RFX3: variants seen among roughly 807,000 people sequenced by gnomAD.
The protein encoded by RFX3 is regulatory factor X3.
A neutral mutation model predicts 98.6 loss-of-function variants in RFX3; 14 were observed. The ratio of observed to expected loss-of-function variants is 0.14; its 90% confidence interval spans 0.09 to 0.22. The LOEUF is 0.22. RFX3 is among the 10% of genes least tolerant of loss of function. RFX3 has a pLI of 1.00. For synonymous variants in RFX3, 383 were observed against 328.4 expected, an observed-to-expected ratio of 1.17 and a Z score of -1.80; for missense variants, 639 against 926.9, an observed-to-expected ratio of 0.69 and a Z score of 4.03.
rs192368673 is a variant in RFX3 at position 3,268,645 on chromosome 9, A to G, written c.1357+1726T>C. Among the ~76,000 whole-genome samples the G allele has an allele frequency of 3.3e-5, 5 of 152,086 alleles. No homozygotes were observed. The East Asian group carries it at 9.7e-4, about 29-fold the overall frequency. The stretch of plus-strand genomic sequence containing the variant: ...TGTCTGCTTAATGTAGAGACAAGCT[A>G]TTTGACAGAATAAACTGGTTTTCAA... On this transcript the variant is annotated intron_variant, in intron 11 of 16. Transcript: ENST00000617270.
intron 15 of RFX3, among the ~76,000 whole-genome samples, chr9:3,231,069 A>T (rs1382523451): frequency 6.6e-6 from 1 of 152,198 alleles, no homozygotes; most frequent in Non-Finnish European, 1.5e-5. Flanking sequence ...GATTGTTATT[A>T]TCATTAACAA....
chr9:3,458,322 T>C (rs868828899), intron 1 of RFX3, among the ~76,000 whole-genome samples: 10 of 152,332 alleles, frequency 6.6e-5, no homozygotes, highest in South Asian at 4.1e-4. Flanking sequence ...GCCATTGATA[T>C]AGACAGATCT....
intron 1 of RFX3, among the ~76,000 whole-genome samples, chr9:3,407,031 T>A (rs1321318322): frequency 1.3e-5 from 2 of 152,216 alleles, no homozygotes; most frequent in Non-Finnish European, 2.9e-5. Flanking sequence ...AATGCTCTAA[T>A]CATGTCATCT....
At chr9:3,503,919 C>T (rs909776765) in intron 1 of RFX3, among the ~76,000 whole-genome samples, 18 of 151,682 alleles carry the variant, frequency 1.2e-4, no homozygotes, top group African/African-American at 4.1e-4. Context: ...GTCTGGCTAA[C>T]TCTAATTTCT....
At chr9:3,245,757 T>C (rs1228423065) in intron 15 of RFX3, among the ~76,000 whole-genome samples, 1 of 152,174 alleles carries the variant, frequency 6.6e-6, no homozygotes, top group Non-Finnish European at 1.5e-5. Flanking sequence ...GTGGTTGCTA[T>C]TATTACTCAT....
intron 9 of RFX3, among the ~76,000 whole-genome samples, 182 bp from the exon 10 acceptor site, chr9:3,271,300 G>T (rs1824399920): frequency 6.6e-6 from 1 of 151,328 alleles, no homozygotes. Context: ...AAACTAGCTA[G>T]GAAGAAGATA....
intron 4 of RFX3, among the ~76,000 whole-genome samples, chr9:3,305,765 A>C (rs926824346): frequency 6.6e-6 from 1 of 152,046 alleles, no homozygotes; most frequent in Non-Finnish European, 1.5e-5. Context: ...TTAGCTAGAT[A>C]AAATGTTAGT....
In RFX3 at chr9:3,271,088, A is replaced by G. The variant is rs767792723; in HGVS notation, c.1117T>C (p.Phe373Leu). The G allele has an allele frequency of 6.2e-7, 1 of 1,613,880 alleles. No individual in the cohort carries two copies. Residue 373 changes from phenylalanine (F) to leucine (L), a missense_variant, in exon 10 of 17, where the codon TTT becomes CTT. Coordinates refer to ENST00000617270, the MANE Select transcript of RFX3 (RefSeq NM_001282116.2). ...TGCCACAATTTTTCTATCAGGCTAA[A>G]TTGAAGATTCACAACAACGTCCAAT... is the stretch of plus-strand genomic sequence containing the variant. ...AILDVVVNLQ[F>L]SLIEKLWQTF...
In RFX3 at chr9:3,439,135, A is replaced by AAAAAAT. The variant is rs576821885; in HGVS notation, c.-8-43545_-8-43540dup. On this transcript the variant is annotated intron_variant, in intron 1 of 16. Transcript: ENST00000617270. ...AGTATTTTAAACTGAACGAAATTAA[A>AAAAAAT]AAAAATAAAAATAAAAATTTGTAGT... Among the ~76,000 whole-genome samples, 735 of 152,046 alleles carry AAAAAAT rather than the reference A, an allele frequency of 4.8e-3. 7 individuals carry two copies. Among genetic ancestry groups the AAAAAAT allele is most frequent in the Admixed American group, 7.1e-3 (109 of 15,260 alleles).
intron 4 of RFX3, among the ~76,000 whole-genome samples, chr9:3,319,163 T>C (rs1830973271): frequency 6.6e-6 from 1 of 152,246 alleles, no homozygotes; most frequent in Non-Finnish European, 1.5e-5. Context: ...CCGTAATCAC[T>C]AAAACAGGCT....
chr9:3,309,035 C>G (rs146607630), intron 4 of RFX3, among the ~76,000 whole-genome samples: 115 of 152,218 alleles, frequency 7.6e-4, no homozygotes, highest in African/African-American at 2.5e-3. Context: ...AGTACGGTCA[C>G]AAATGTGATA....
chr9:3,442,061 G>A (rs139213079), intron 1 of RFX3, among the ~76,000 whole-genome samples: 1,544 of 152,014 alleles, frequency 0.01, 24 homozygotes, highest in African/African-American at 0.033. Context: ...TTAGCCAGGC[G>A]TGGTGGCACG....
chr9:3,367,531 G>T (rs947647513), intron 2 of RFX3, among the ~76,000 whole-genome samples: 5 of 152,192 alleles, frequency 3.3e-5, no homozygotes, highest in African/African-American at 1.2e-4. Flanking sequence ...ATAAGTGGGT[G>T]TTGTTTTGAG....
intron 5 of RFX3, among the ~76,000 whole-genome samples, chr9:3,295,910 C>G (rs1482778132): frequency 6.6e-6 from 1 of 151,714 alleles, no homozygotes; most frequent in Non-Finnish European, 1.5e-5. Context: ...CTGATAAAAG[C>G]AAATTAAAAA....
chr9:3,293,490 T>G (rs189596191), intron 5 of RFX3, among the ~76,000 whole-genome samples: 37 of 152,314 alleles, frequency 2.4e-4, no homozygotes, highest in Non-Finnish European at 5.9e-5. Flanking sequence ...CTTCAAATAT[T>G]CAAGCACACG....
chr9:3,353,979 G>A (rs1480404101), intron 2 of RFX3, among the ~76,000 whole-genome samples: 1 of 151,888 alleles, frequency 6.6e-6, no homozygotes, highest in East Asian at 1.9e-4. Context: ...AAGCTACAAA[G>A]AAGAACCAAG....
chr9:3,350,990 T>C (rs972186545), intron 2 of RFX3, among the ~76,000 whole-genome samples: 1 of 152,000 alleles, frequency 6.6e-6, no homozygotes, highest in Non-Finnish European at 1.5e-5. Flanking sequence ...ACAGTGAAAC[T>C]ACTCTGCATG....
chr9:3,330,573 T>C, intron 3 of RFX3, 56 bp from the exon 4 acceptor site: 1 of 1,488,942 alleles, frequency 6.7e-7, no homozygotes, highest in East Asian at 2.3e-5. Context: ...ATCTTATTAA[T>C]TTTTTTCTAA....
intron 3 of RFX3, among the ~76,000 whole-genome samples, chr9:3,343,210 C>T (rs953400682): frequency 6.6e-6 from 1 of 152,092 alleles, no homozygotes; most frequent in Non-Finnish European, 1.5e-5. Flanking sequence ...GACATGGGGA[C>T]GCTGGTGACA....
Sources: gnomAD v4.1 joint callset for allele counts (sites outside exome capture counted in the v4.1 genomes callset) on GRCh38, gnomAD v4.1.1 for gene constraint, MANE v1.5 for transcripts, NCBI Gene and HGNC (gene_info 2026-07-23, HGNC 2026-07-21) for gene names.